The following OTUD7B variants were observed in gnomAD, a reference collection of about 807,000 sequenced individuals.
OTUD7B encodes OTU deubiquitinase 7B, also known as OTU domain-containing protein 7B.
Under a neutral mutation model 82.2 loss-of-function variants are expected in OTUD7B, and 34 were observed. The observed-to-expected ratio is 0.41, with a 90% CI of 0.31 to 0.55. The LOEUF (loss-of-function observed/expected upper bound fraction) is 0.55. OTUD7B is among the 20% of genes least tolerant of loss of function. The pLI, the probability that OTUD7B is intolerant of heterozygous loss-of-function variation, is 0.20. For synonymous variants in OTUD7B, 398 were observed against 402.7 expected, an observed-to-expected ratio of 0.99 and a Z score of 0.14; for missense variants, 944 against 1,062.1, an observed-to-expected ratio of 0.89 and a Z score of 1.55.
upstream of OTUD7B, among the ~76,000 whole-genome samples, chr1:150,012,665 T>A (rs1653131084): frequency 6.6e-6 from 1 of 152,206 alleles, no homozygotes; most frequent in Non-Finnish European, 1.5e-5. Context: ...GTCTCCAGAT[T>A]TGAAAGCTGG....
intron 11 of OTUD7B, among the ~76,000 whole-genome samples, chr1:149,946,206 T>C (rs1647718185): frequency 6.7e-6 from 1 of 148,210 alleles, no homozygotes; most frequent in Admixed American, 6.8e-5. Flanking sequence ...CTACTAAAAA[T>C]AGAAAAATTA....
chr1:150,059,134 A>G, the OTUD7B span, among the ~76,000 whole-genome samples: 2 of 140,374 alleles, frequency 1.4e-5, no homozygotes, highest in Non-Finnish European at 3.1e-5. Flanking sequence ...GCTCACTGCA[A>G]CCTCTGCCGC....
chr1:150,021,299 C>T, the OTUD7B span, among the ~76,000 whole-genome samples: 67 of 152,160 alleles, frequency 4.4e-4, no homozygotes, highest in South Asian at 0.013. Context: ...AGAAGGTAGG[C>T]CAGGTCTGGG....
At chr1:150,054,067 G>T in the OTUD7B span, 2 of 379,812 alleles carry the variant, frequency 5.3e-6, no homozygotes, top group Admixed American at 7.0e-5. Flanking sequence ...GAAAGGCCAC[G>T]TGCAAGAGGA....
At chr1:149,975,787 G>T (rs1011206132) in intron 2 of OTUD7B, among the ~76,000 whole-genome samples, 8 of 152,016 alleles carry the variant, frequency 5.3e-5, no homozygotes, top group Non-Finnish European at 1.0e-4. Context: ...ACTTTGGGAG[G>T]CTGAGGTGGG....
chr1:149,977,130 TAAATAAAATA>T (rs1166656613), intron 2 of OTUD7B, among the ~76,000 whole-genome samples: 2 of 151,734 alleles, frequency 1.3e-5, no homozygotes, highest in Non-Finnish European at 2.9e-5. Flanking sequence ...CAAAAATAAA[TAAATAAAATA>T]AAATAAAATA....
chr1:150,041,418 C>T, the OTUD7B span, among the ~76,000 whole-genome samples: 6 of 152,218 alleles, frequency 3.9e-5, no homozygotes, highest in Admixed American at 6.5e-5. Flanking sequence ...CTGCATCCTC[C>T]GCCTCCCGCG....
chr1:150,023,512 TAAGTG>T, the OTUD7B span, among the ~76,000 whole-genome samples: 1 of 152,158 alleles, frequency 6.6e-6, no homozygotes, highest in Non-Finnish European at 1.5e-5. Flanking sequence ...GGACATAGGC[TAAGTG>T]AAGTGAGTCA....
chr1:149,950,789 G>GGTTTTTT (rs1559828301), intron 7 of OTUD7B, among the ~76,000 whole-genome samples: 1 of 132,732 alleles, frequency 7.5e-6, no homozygotes. Context: ...TGTGTTTTTT[G>GGTTTTTT]TTTTTTTTTC....
At chr1:149,989,602 T>A (rs1012425166) in intron 1 of OTUD7B, among the ~76,000 whole-genome samples, 10 of 150,712 alleles carry the variant, frequency 6.6e-5, no homozygotes, top group African/African-American at 2.0e-4. Context: ...TAGCTGGGCA[T>A]GGTGGCACAC....
At chr1:150,047,074 A>G in the OTUD7B span, among the ~76,000 whole-genome samples, 1 of 151,426 alleles carries the variant, frequency 6.6e-6, no homozygotes, top group East Asian at 2.0e-4. Flanking sequence ...CTGTCTTGGA[A>G]AAAAAACAAA....
chr1:149,989,264 G>A (rs989616586), intron 1 of OTUD7B, among the ~76,000 whole-genome samples: 4 of 152,046 alleles, frequency 2.6e-5, no homozygotes, highest in African/African-American at 9.7e-5. Flanking sequence ...CTTGAGGTCA[G>A]GAGTTCAAGA....
At chr1:150,044,542 C>T in the OTUD7B span, among the ~76,000 whole-genome samples, 1 of 151,522 alleles carries the variant, frequency 6.6e-6, no homozygotes, top group African/African-American at 2.4e-5. Context: ...TGGTGGTGCA[C>T]ACCTGTAGTC....
chr1:150,046,808 C>T, the OTUD7B span, among the ~76,000 whole-genome samples: 4 of 151,620 alleles, frequency 2.6e-5, no homozygotes, highest in African/African-American at 4.8e-5. Flanking sequence ...TGGTGGCTCA[C>T]GCCTGTAATC....
chr1:150,008,953 C>T (rs1652839051), intron 1 of OTUD7B, among the ~76,000 whole-genome samples: 1 of 152,078 alleles, frequency 6.6e-6, no homozygotes, highest in Non-Finnish European at 1.5e-5. Flanking sequence ...TTAGAACGGT[C>T]GGGGGTATTC....
chr1:149,994,659 G>T (rs1369674708), intron 1 of OTUD7B, among the ~76,000 whole-genome samples: 4 of 151,014 alleles, frequency 2.6e-5, no homozygotes, highest in African/African-American at 9.8e-5. Flanking sequence ...TAACCAGGCT[G>T]GAGCGCAGTG....
chr1:149,959,702 T>C lies in OTUD7B; in HGVS notation c.827A>G (p.Asn276Ser), dbSNP rs376125749. The change falls in exon 7 of 12, where the codon AAT becomes AGT. Residue 276 changes from asparagine to serine, a missense_variant. Asn to Ser is a conservative substitution (Grantham distance 46). Transcript: ENST00000581312. ...SSEPRMHLGT[N>S]GANCGGVESS... ...TACTTACCCACCACAGTTGGCTCCA[T>C]TGGTACCTAGATGCATTCGGGGTTC... 5.6e-6 allele frequency: 9 copies of C among 1,612,262 alleles called. No individual in the cohort carries two copies. The highest frequency in any genetic ancestry group is 2.2e-5 in the East Asian group (1 of 44,852).
At chr1:149,957,398 C>A (rs1648767471) in intron 7 of OTUD7B, among the ~76,000 whole-genome samples, 1 of 151,472 alleles carries the variant, frequency 6.6e-6, no homozygotes, top group Non-Finnish European at 1.5e-5. Context: ...TCTCTGGAAG[C>A]TTCATCTCAG....
At chr1:149,946,287 C>G (rs1571586195) in intron 11 of OTUD7B, among the ~76,000 whole-genome samples, 1 of 151,326 alleles carries the variant, frequency 6.6e-6, no homozygotes, top group East Asian at 2.0e-4. Flanking sequence ...CGCTTGAACC[C>G]AAGAGGTGGA....
Sources: allele counts gnomAD v4.1 joint callset (sites outside exome capture counted in the v4.1 genomes callset), GRCh38; gene constraint gnomAD v4.1.1; transcripts MANE v1.5; gene names NCBI Gene and HGNC (gene_info 2026-07-23, HGNC 2026-07-21).